KCNK10: variants seen among roughly 807,000 people sequenced by gnomAD.
The protein encoded by KCNK10 is potassium channel subfamily K member 10.
A neutral mutation model predicts 47.7 loss-of-function variants in KCNK10; 25 were observed. The ratio of observed to expected loss-of-function variants is 0.52; its 90% CI spans 0.38 to 0.73. The LOEUF (loss-of-function observed/expected upper bound fraction) is 0.73. Among genes scored for constraint, KCNK10 ranks in the 30% least tolerant of loss-of-function variants. KCNK10 has a pLI of 0.00. For missense variants in KCNK10, 563 were observed against 714.5 expected (o/e 0.79, Z 2.42); for synonymous variants, 303 against 285.6 (o/e 1.06, Z -0.61).
rs192553958 is a variant in KCNK10, at chr14:88,227,894, A to G, written c.521-359T>C. On this transcript the variant is annotated intron_variant, in intron 3 of 6. Coordinates refer to ENST00000319231, the MANE Select transcript of KCNK10 (RefSeq NM_138317.3). Reference sequence around the variant, plus strand: ...ATGCGTGGGAAGGAATCACCACTGCACTTATTAGATTTGACAAGAGCTTCT... The same window carrying G: ...ATGCGTGGGAAGGAATCACCACTGCGCTTATTAGATTTGACAAGAGCTTCT... Among the ~76,000 whole-genome samples, 269 of 152,304 alleles carry G rather than the reference A, an allele frequency of 1.8e-3. 2 individuals are homozygous for G. Among genetic ancestry groups the G allele is most frequent in the Non-Finnish European group, 3.1e-3 (209 of 68,022 alleles).
chr14:88,289,137 T>C (rs73329829), intron 1 of KCNK10, among the ~76,000 whole-genome samples: 319 of 152,292 alleles, frequency 2.1e-3, no homozygotes, highest in African/African-American at 7.5e-3. Context: ...GCCCTCCATG[T>C]AAAAATTTCC....
At chr14:88,313,825 A>G (rs34305835) in intron 1 of KCNK10, among the ~76,000 whole-genome samples, 29,827 of 152,236 alleles carry the variant, frequency 0.2, 3,121 homozygotes, top group East Asian at 0.28. Context: ...ACAATAATAC[A>G]GTAACATGCT....
intron 1 of KCNK10, among the ~76,000 whole-genome samples, chr14:88,274,512 C>T (rs1887482177): frequency 8.3e-6 from 1 of 120,070 alleles, no homozygotes; most frequent in Admixed American, 1.2e-4. Flanking sequence ...CATTGCACCA[C>T]TGCACTTTAG....
rs1355816638 is a variant in KCNK10, at chr14:88,205,410, CCT to C, written c.682-13002_682-13001del. Among the ~76,000 whole-genome samples the C allele has an allele frequency of 3.3e-5, 5 of 152,280 alleles. No homozygotes were observed. In the East Asian group the frequency reaches 9.6e-4, roughly 29 times the overall value. On this transcript the variant is annotated intron_variant, in intron 4 of 6. Transcript: ENST00000319231. ...ATGTTCCTTCACCCTTGCATGGTCCCCTGTCCATAGAACTGCTCAACCTGCAT... is the reference window on the plus strand; with the variant it reads ...ATGTTCCTTCACCCTTGCATGGTCCCGTCCATAGAACTGCTCAACCTGCAT...
At chr14:88,190,629 A>C (rs1884713501) in intron 5 of KCNK10, among the ~76,000 whole-genome samples, 1 of 152,214 alleles carries the variant, frequency 6.6e-6, no homozygotes, top group South Asian at 2.1e-4. Flanking sequence ...ATCAATTTTT[A>C]GTTAAAAGCT....
chr14:88,207,780 T>A (rs144135301), intron 4 of KCNK10, among the ~76,000 whole-genome samples: 59 of 152,202 alleles, frequency 3.9e-4, no homozygotes, highest in African/African-American at 1.4e-3. Context: ...ACACAACTCA[T>A]AGGCTGATGG....
At chr14:88,228,703 C>T (rs1018460878) in intron 3 of KCNK10, among the ~76,000 whole-genome samples, 1 of 152,168 alleles carries the variant, frequency 6.6e-6, no homozygotes, top group African/African-American at 2.4e-5. Flanking sequence ...GCAGAACTCA[C>T]GGTTGCCTTC....
At chr14:88,225,145 A>G (rs1172556423) in intron 4 of KCNK10, among the ~76,000 whole-genome samples, 3 of 152,234 alleles carry the variant, frequency 2.0e-5, no homozygotes, top group African/African-American at 7.2e-5. Context: ...GTTTAAATCA[A>G]TGGCAGAAAA....
At chr14:88,259,581 C>T (rs1887051932) in intron 2 of KCNK10, among the ~76,000 whole-genome samples, 1 of 152,180 alleles carries the variant, frequency 6.6e-6, no homozygotes, top group Non-Finnish European at 1.5e-5. Context: ...CTCAGCCTCC[C>T]AAGTAGCTGG....
chr14:88,305,212 AAG>A (rs1888182268), intron 1 of KCNK10, among the ~76,000 whole-genome samples: 1 of 151,784 alleles, frequency 6.6e-6, no homozygotes, highest in African/African-American at 2.4e-5. Context: ...AAAAAAAAAG[AAG>A]AAGAAGAAGA....
At chr14:88,208,906 G>C (rs1257341106) in intron 4 of KCNK10, among the ~76,000 whole-genome samples, 1 of 152,118 alleles carries the variant, frequency 6.6e-6, no homozygotes, top group East Asian at 1.9e-4. Context: ...GAGTGGATAG[G>C]TAGACAAACA....
chr14:88,253,448 T>C (rs956517620), intron 2 of KCNK10, among the ~76,000 whole-genome samples: 2 of 152,172 alleles, frequency 1.3e-5, no homozygotes, highest in African/African-American at 4.8e-5. Flanking sequence ...TCATCATACA[T>C]TGTAGGTATG....
At chr14:88,243,985 G>T (rs865890240) in intron 2 of KCNK10, among the ~76,000 whole-genome samples, 35 of 151,918 alleles carry the variant, frequency 2.3e-4, no homozygotes, top group African/African-American at 8.2e-4. Context: ...TATACATAAG[G>T]CTTGTTATGG....
intron 1 of KCNK10, among the ~76,000 whole-genome samples, chr14:88,314,141 T>C (rs549635308): frequency 6.8e-4 from 104 of 152,214 alleles, no homozygotes; most frequent in African/African-American, 2.5e-3. Context: ...TCTGAATGTG[T>C]CCCCCCAGAA....
intron 4 of KCNK10, among the ~76,000 whole-genome samples, chr14:88,220,395 C>T (rs1362498082): frequency 9.5e-5 from 10 of 105,256 alleles, no homozygotes; most frequent in Non-Finnish European, 8.5e-5. Flanking sequence ...CCAGCCTGGG[C>T]GACAGAGCGA....
chr14:88,289,076 G>A (rs867321746), intron 1 of KCNK10, among the ~76,000 whole-genome samples: 12 of 152,080 alleles, frequency 7.9e-5, no homozygotes, highest in African/African-American at 1.4e-4. Flanking sequence ...CACCCGGGTT[G>A]GTCTCATTAT....
intron 2 of KCNK10, among the ~76,000 whole-genome samples, chr14:88,251,497 A>G (rs190349999): frequency 6.6e-6 from 1 of 152,308 alleles, no homozygotes; most frequent in East Asian, 1.9e-4. Flanking sequence ...GCTTCCCCCA[A>G]GAGTTGAGTT....
intron 1 of KCNK10, among the ~76,000 whole-genome samples, chr14:88,292,255 C>T (rs549073381): frequency 2.0e-5 from 3 of 152,222 alleles, no homozygotes; most frequent in South Asian, 4.1e-4. Context: ...GGAACAGCCA[C>T]GGCCCCCGCC....
intron 1 of KCNK10, among the ~76,000 whole-genome samples, chr14:88,283,676 C>A (rs916617574): frequency 2.6e-5 from 4 of 152,142 alleles, no homozygotes; most frequent in Admixed American, 6.5e-5. Context: ...CTTTGGGAGG[C>A]CAAGGCAGGT....
Sources: allele counts gnomAD v4.1 joint callset (sites outside exome capture counted in the v4.1 genomes callset), GRCh38; gene constraint gnomAD v4.1.1; transcripts MANE v1.5; gene names NCBI Gene and HGNC (gene_info 2026-07-23, HGNC 2026-07-21).